The following ERFE variants were observed in gnomAD, a reference collection of about 807,000 sequenced individuals.
ERFE encodes the protein erythroferrone.
In ERFE, 25 loss-of-function variants were observed where a neutral mutation model predicts 26.6. The observed-to-expected ratio is 0.94, with a 90% CI of 0.69 to 1.31. The LOEUF (loss-of-function observed/expected upper bound fraction) is 1.31, where lower values mean the gene tolerates loss of function less well. ERFE is among the 40% of genes most tolerant of loss of function. ERFE has a pLI of 0.00. For missense variants in ERFE, 447 were observed against 440.2 expected, an observed-to-expected ratio of 1.02 and a Z score of -0.14; for synonymous variants, 206 against 204.5, an observed-to-expected ratio of 1.01 and a Z score of -0.06.
In ERFE at chr2:238,164,182, G is replaced by C; in HGVS notation, c.795G>C (p.Val265=). The C allele has an allele frequency of 3.5e-6, 5 of 1,435,968 alleles. No individual in the cohort carries two copies. Among genetic ancestry groups the C allele is most frequent in the Non-Finnish European group, 4.5e-6 (5 of 1,102,376 alleles). The allele number at this position is 1,435,968 out of a possible 1,614,324, so 89.0% of individuals were successfully genotyped here. A position where few individuals can be genotyped will look rare whatever the true frequency, so the allele number is the denominator to read the frequency against. The part of the protein sequence containing the change: ...GFYALAATLH[V]ALGEPPRRGP... ...ACGCTCTCGCCGCCACGCTGCACGT[G>C]GGTGAGGCCCGGGGCGTGGGAGGAT... Residue 265 remains valine (V), a splice_region_variant and synonymous_variant, in exon 5 of 8, where the codon GTG becomes GTC. Transcript: ENST00000546354.
intron 1 of ERFE, among the ~76,000 whole-genome samples, chr2:238,160,546 C>T (rs1302533340): frequency 6.6e-6 from 1 of 152,110 alleles, no homozygotes; most frequent in Non-Finnish European, 1.5e-5. Flanking sequence ...CACTGAGCAG[C>T]GCTGAGGGCC....
Position 238,163,984 on chromosome 2 carries a change from T to G in ERFE, c.672T>G (p.Leu224=). ...TGGAGCGGCGCGCGCTGCACGAGCT[T>G]GGCGTCTACTACCTGGTGAGTGCCG... ...ALVERRALHE[L]GVYYLPDAEG... Residue 224 remains leucine, a synonymous_variant, in exon 4 of 8, where the codon CTT becomes CTG. Coordinates refer to ENST00000546354, the MANE Select transcript of ERFE (RefSeq NM_001291832.2). 1 of 1,389,742 alleles carries G rather than the reference T, an allele frequency of 7.2e-7. No homozygotes were observed. Among genetic ancestry groups the G allele is most frequent in the South Asian group, 1.6e-5 (1 of 61,948 alleles). 86.1% of individuals were successfully genotyped at this position (1,389,742 alleles called of 1,614,324 possible).
In ERFE at chr2:238,167,817, G is replaced by T. The variant is rs968067539; in HGVS notation, c.*763G>T. 1.5e-5 allele frequency: 4 copies of T among 258,402 alleles called. No homozygotes were observed. The highest frequency in any genetic ancestry group is 1.4e-3 in the Middle Eastern group (1 of 736). The allele number at this position is 258,402 out of a possible 1,614,324, so 16.0% of individuals were successfully genotyped here. On this transcript the variant is annotated 3_prime_UTR_variant, in exon 8 of 8. Coordinates refer to ENST00000546354, the MANE Select transcript of ERFE (RefSeq NM_001291832.2). ...TCCTCTGCAAATCTTCACAGCCAAG[G>T]CCCCTTCCACCCTCTCCAGAGGTGG...
chr2:238,161,621 G>C lies in ERFE; in HGVS notation c.226G>C (p.Val76Leu), dbSNP rs770692551. 137 of 1,545,452 alleles carry C rather than the reference G, an allele frequency of 8.9e-5. No homozygotes were observed. Among genetic ancestry groups the C allele is most frequent in the Non-Finnish European group, 1.1e-4 (121 of 1,142,974 alleles). Residue 76 changes from valine (V) to leucine (L), a missense_variant, in exon 2 of 8, where the codon GTC becomes CTC. Transcript: ENST00000546354. ...PEPTAERAHS[V>L]DPRDAWMLFV... ...GCCCACCGCTGAGCGTGCACACAGC[G>C]TCGACCCCCGGGACGCCTGGATGCT...
In ERFE at chr2:238,167,387, T is replaced by G; in HGVS notation, c.*333T>G. 1.7e-6 allele frequency: 1 copy of G among 586,994 alleles called. No individual in the cohort carries two copies. Among genetic ancestry groups the G allele is most frequent in the Non-Finnish European group, 3.2e-6 (1 of 311,312 alleles). 36.4% of individuals were successfully genotyped at this position (586,994 alleles called of 1,614,324 possible). ...GCTCAGCACCTGCCCAGATGGCCTC[T>G]GCGTCTTTCCTGTGCCCAGCCCCAC... is the stretch of plus-strand genomic sequence containing the variant. On this transcript the variant is annotated 3_prime_UTR_variant, in exon 8 of 8. Coordinates refer to ENST00000546354, the MANE Select transcript of ERFE (RefSeq NM_001291832.2).
At chr2:238,163,584 C>T in intron 3 of ERFE, 153 bp from the exon 4 acceptor site, 2 of 954,984 alleles carry the variant, frequency 2.1e-6, no homozygotes, top group Non-Finnish European at 1.3e-6. Flanking sequence ...CGCAAAGACT[C>T]CGAGGCCCTT....
At position 238,161,609 on chromosome 2, in the gene ERFE, C is replaced by G; in HGVS notation, c.214C>G (p.Arg72Gly). 6.5e-7 allele frequency: 1 copy of G among 1,541,194 alleles called. No individual in the cohort carries two copies. The highest frequency in any genetic ancestry group is 1.2e-5 in the South Asian group (1 of 83,478). Residue 72 changes from arginine to glycine, a missense_variant, in exon 2 of 8, where the codon CGT becomes GGT. Arg to Gly is a moderately radical substitution (Grantham distance 125). Coordinates refer to ENST00000546354, the MANE Select transcript of ERFE (RefSeq NM_001291832.2). ...TGTGTTCCAGGAGCCCACCGCTGAG[C>G]GTGCACACAGCGTCGACCCCCGGGA... Reference protein sequence around the residue: ...AARPPEPTAERAHSVDPRDAW... With the variant: ...AARPPEPTAEGAHSVDPRDAW...
chr2:238,163,640 GC>G, intron 3 of ERFE, 96 bp from the exon 4 acceptor site: 1 of 1,210,942 alleles, frequency 8.3e-7, no homozygotes, highest in Non-Finnish European at 1.0e-6. Context: ...CGCCCGGCAG[GC>G]CCCTGGTCTC....
At chr2:238,163,306 G>T (rs1692968099) in intron 3 of ERFE, among the ~76,000 whole-genome samples, 1 of 152,220 alleles carries the variant, frequency 6.6e-6, no homozygotes, top group Non-Finnish European at 1.5e-5. Context: ...CCACACTGAG[G>T]CCTCCTGCAG....
At position 238,167,113 on chromosome 2, in the gene ERFE, T is replaced by G; in HGVS notation, c.*59T>G. 1.3e-6 allele frequency: 2 copies of G among 1,499,502 alleles called. No individual in the cohort carries two copies. The allele number at this position is 1,499,502 out of a possible 1,614,324, so 92.9% of individuals were successfully genotyped here. ...ATGGAGCACAGATCTAGACAATGTG[T>G]GGACAGTGTCAGAGTAGCAGTGGCC... On this transcript the variant is annotated 3_prime_UTR_variant, in exon 8 of 8. Transcript: ENST00000546354.
chr2:238,168,744 C>T lies in ERFE; in HGVS notation c.*1690C>T, dbSNP rs1362255461. ...TGGCCACGCCCTTATCTAGATTTCACTTTGTATCCACTGGGCACAGATATT... is the reference window on the plus strand; with the variant it reads ...TGGCCACGCCCTTATCTAGATTTCATTTTGTATCCACTGGGCACAGATATT... On this transcript the variant is annotated 3_prime_UTR_variant, in exon 8 of 8. Coordinates refer to ENST00000546354, the MANE Select transcript of ERFE (RefSeq NM_001291832.2). 4.4e-6 allele frequency: 1 copy of T among 225,798 alleles called. No individual in the cohort carries two copies. The highest frequency in any genetic ancestry group is 2.3e-5 in the African/African-American group (1 of 44,124). The allele number at this position is 225,798 out of a possible 1,614,324, so 14.0% of individuals were successfully genotyped here.
At chr2:238,164,478 T>TGACC in intron 6 of ERFE, 118 bp downstream of exon 6, 2 of 972,284 alleles carry the variant, frequency 2.1e-6, no homozygotes, top group Non-Finnish European at 3.1e-6. Context: ...GTGGCCTAGG[T>TGACC]GACCCCACAC....
chr2:238,164,270 C>T lies in ERFE; in HGVS notation c.797C>T (p.Ala266Val), dbSNP rs1014169197. The T allele has an allele frequency of 1.2e-5, 18 of 1,504,568 alleles. No homozygotes were observed. The highest frequency in any genetic ancestry group is 2.1e-5 in the Admixed American group (1 of 47,490). The allele number at this position is 1,504,568 out of a possible 1,614,324, so 93.2% of individuals were successfully genotyped here. A position where few individuals can be genotyped will look rare whatever the true frequency, so the allele number is the denominator to read the frequency against. Reference protein sequence around the residue: ...FYALAATLHVALGEPPRRGPP... With the variant: ...FYALAATLHVVLGEPPRRGPP... Reference sequence around the variant, plus strand: ...GACCACGTCCCACCCTCCCCCGCAGCGCTCGGGGAGCCGCCGAGGAGGGGG... The same window carrying T: ...GACCACGTCCCACCCTCCCCCGCAGTGCTCGGGGAGCCGCCGAGGAGGGGG... The change falls in exon 6 of 8, where the codon GCG (alanine) becomes GTG (valine). Residue 266 changes from alanine to valine, a missense_variant and splice_region_variant. Physicochemically the swap from Ala to Val is moderately conservative, Grantham distance 64. Coordinates refer to ENST00000546354, the MANE Select transcript of ERFE (RefSeq NM_001291832.2).
intron 7 of ERFE, among the ~76,000 whole-genome samples, chr2:238,166,689 C>T (rs753986134): frequency 6.2e-4 from 94 of 152,368 alleles, no homozygotes; most frequent in African/African-American, 1.5e-3. Context: ...CTGTTGGACT[C>T]TTGAATCCCA....
rs371593126 is a variant in ERFE at position 238,162,777 on chromosome 2, C to A, written c.363C>A (p.Gly121=). The change falls in exon 3 of 8, where the codon GGC becomes GGA. Residue 121 remains glycine, a synonymous_variant. Transcript: ENST00000546354. The part of the protein sequence containing the change: ...PGPPGPPGPQ[G]PPGPIIPPEA... ...CCCCTGGGCCTCCCGGTCCCCAGGG[C>A]CCCCCAGGCCCCATCATCCCACCCG... is the stretch of plus-strand genomic sequence containing the variant. 1.6e-5 allele frequency: 25 copies of A among 1,549,614 alleles called. 1 individual carries two copies. Among genetic ancestry groups the A allele is most frequent in the Middle Eastern group, 3.3e-4 (2 of 5,992 alleles).
chr2:238,165,785 G>A (rs547337278), intron 7 of ERFE, 101 bp downstream of exon 7: 93 of 1,104,514 alleles, frequency 8.4e-5, no homozygotes, highest in Middle Eastern at 2.7e-4. Context: ...TCACTGGGTC[G>A]GGTGCAGCAC....
intron 7 of ERFE, among the ~76,000 whole-genome samples, chr2:238,166,252 T>C (rs1307644599): frequency 6.6e-6 from 1 of 152,222 alleles, no homozygotes; most frequent in Admixed American, 6.5e-5. Context: ...TATTGAATTC[T>C]CCCAGAGCTT....
Position 238,168,475 on chromosome 2 carries a change from TCTAA to T in ERFE, c.*1429_*1432del, listed in dbSNP as rs569406413. 7.0e-5 allele frequency: 33 copies of T among 470,654 alleles called. No individual in the cohort carries two copies. Among genetic ancestry groups the T allele is most frequent in the Admixed American group, 3.3e-4 (14 of 42,520 alleles). 29.2% of individuals were successfully genotyped at this position (470,654 alleles called of 1,614,324 possible). ...GAGCAATGGCCAGTCACCTTCACCT[TCTAA>T]CTAACTAGCCTCCGGATGAGGTGGC... On this transcript the variant is annotated 3_prime_UTR_variant, in exon 8 of 8. Coordinates refer to ENST00000546354, the MANE Select transcript of ERFE (RefSeq NM_001291832.2).
Position 238,164,007 on chromosome 2 carries a change from C to A in ERFE, c.687+8C>A. On this transcript the variant is annotated splice_region_variant and intron_variant, in intron 4 of 7. Transcript: ENST00000546354. Reference sequence around the variant, plus strand: ...CTTGGCGTCTACTACCTGGTGAGTGCCGGCGCGCGGGAGGGCGGGTGAGTC... The same window carrying A: ...CTTGGCGTCTACTACCTGGTGAGTGACGGCGCGCGGGAGGGCGGGTGAGTC... 1 of 1,376,934 alleles carries A rather than the reference C, an allele frequency of 7.3e-7. No individual in the cohort carries two copies. The highest frequency in any genetic ancestry group is 1.7e-5 in the South Asian group (1 of 59,946). 85.3% of individuals were successfully genotyped at this position (1,376,934 alleles called of 1,614,324 possible). A position where few individuals can be genotyped will look rare whatever the true frequency, so the allele number is the denominator to read the frequency against.
Sources: allele counts gnomAD v4.1 joint callset (sites outside exome capture counted in the v4.1 genomes callset), GRCh38; gene constraint gnomAD v4.1.1; transcripts MANE v1.5; gene names NCBI Gene and HGNC (gene_info 2026-07-23, HGNC 2026-07-21).